Variants in PTPRE observed in about 807,000 individuals in gnomAD.
PTPRE encodes receptor-type tyrosine-protein phosphatase epsilon.
Under a neutral mutation model 102.0 loss-of-function variants are expected in PTPRE, and 51 were observed. The observed-to-expected ratio is 0.50, with a 90% CI of 0.40 to 0.63. The LOEUF is 0.63. PTPRE is among the 30% of genes least tolerant of loss of function. PTPRE has a pLI of 0.00. For missense variants in PTPRE, 752 were observed against 915.1 expected (o/e 0.82, Z 2.30); for synonymous variants, 345 against 348.2 (o/e 0.99, Z 0.10).
intron 1 of PTPRE, among the ~76,000 whole-genome samples, chr10:127,951,347 C>G (rs1163716181): frequency 2.6e-5 from 4 of 152,206 alleles, no homozygotes; most frequent in African/African-American, 9.6e-5. Flanking sequence ...TTTCTCCCAT[C>G]TTTCCCTAAA....
rs147320020 is a variant in PTPRE at position 128,018,137 on chromosome 10, G to A, written c.-7-22738G>A. Among the ~76,000 whole-genome samples the A allele has an allele frequency of 3.0e-3, 459 of 152,256 alleles. 6 individuals carry two copies. The highest frequency in any genetic ancestry group is 0.011 in the African/African-American group (438 of 41,538). ...AGCAACTGAGAGGGGTGCCTGTTCC[G>A]GAGGTGGTAGGAGCTTTGGGGCTGG... is the stretch of plus-strand genomic sequence containing the variant. On this transcript the variant is annotated intron_variant, in intron 2 of 20. Transcript: ENST00000254667.
chr10:127,966,867 A>T (rs72845895), intron 1 of PTPRE, among the ~76,000 whole-genome samples: 2 of 152,204 alleles, frequency 1.3e-5, no homozygotes, highest in Non-Finnish European at 2.9e-5. Flanking sequence ...GGTCATCCAT[A>T]TGACCAACAC....
chr10:127,943,966 A>T (rs940044216), intron 1 of PTPRE, among the ~76,000 whole-genome samples: 6 of 152,164 alleles, frequency 3.9e-5, no homozygotes, highest in Non-Finnish European at 1.5e-5. Context: ...TCCTATGGGC[A>T]TTGGGGCTGG....
At chr10:127,990,453 C>T (rs1033611048) in intron 2 of PTPRE, among the ~76,000 whole-genome samples, 2 of 150,298 alleles carry the variant, frequency 1.3e-5, no homozygotes, top group African/African-American at 4.9e-5. Flanking sequence ...GAAAAGAAAG[C>T]GGAGTGACTT....
chr10:128,031,875 C>T (rs1210568205), intron 2 of PTPRE, among the ~76,000 whole-genome samples: 1 of 152,172 alleles, frequency 6.6e-6, no homozygotes, highest in East Asian at 1.9e-4. Flanking sequence ...GTTCCAACCA[C>T]GCCACCCCTT....
chr10:128,034,598 G>A (rs1381044401), intron 2 of PTPRE, among the ~76,000 whole-genome samples: 2 of 152,184 alleles, frequency 1.3e-5, no homozygotes, highest in Non-Finnish European at 2.9e-5. Flanking sequence ...TTGGGAGGCT[G>A]AGATGGGAGG....
At chr10:128,024,221 G>A (rs887350958) in intron 2 of PTPRE, among the ~76,000 whole-genome samples, 7 of 152,180 alleles carry the variant, frequency 4.6e-5, no homozygotes, top group Non-Finnish European at 1.5e-5. Flanking sequence ...AAGACAAGAA[G>A]GATAATTTTT....
chr10:127,942,205 G>C (rs778115645), intron 1 of PTPRE, among the ~76,000 whole-genome samples: 24 of 152,254 alleles, frequency 1.6e-4, no homozygotes, highest in Middle Eastern at 6.8e-3. Flanking sequence ...CCAGGTAGAT[G>C]GTTTAAGCAC....
intron 1 of PTPRE, among the ~76,000 whole-genome samples, chr10:127,913,644 G>A (rs929474293): frequency 1.4e-4 from 21 of 152,118 alleles, no homozygotes; most frequent in Admixed American, 1.3e-3. Context: ...CTGACTCCTC[G>A]GCTAACATGC....
intron 2 of PTPRE, among the ~76,000 whole-genome samples, chr10:128,036,638 C>T (rs1222889706): frequency 6.6e-6 from 1 of 152,030 alleles, no homozygotes; most frequent in South Asian, 2.1e-4. Context: ...AAGATGGAAA[C>T]CCCGATACCT....
Position 128,071,039 on chromosome 10 carries a change from G to T in PTPRE, c.1387+138G>T, listed in dbSNP as rs904071300. On this transcript the variant is annotated intron_variant, in intron 15 of 20. Transcript: ENST00000254667. ...GGTGTCCTCTGGCCTCAGGCTAAGGGCTCCTGTGTGCTGTACCAAATGTCA... is the reference window on the plus strand; with the variant it reads ...GGTGTCCTCTGGCCTCAGGCTAAGGTCTCCTGTGTGCTGTACCAAATGTCA... 41 of 756,826 alleles carry T rather than the reference G, an allele frequency of 5.4e-5. 1 individual carries two copies. The Middle Eastern group carries it at 1.2e-3, about 21-fold the overall frequency. The allele number at this position is 756,826 out of a possible 1,614,324, so 46.9% of individuals were successfully genotyped here.
intron 2 of PTPRE, among the ~76,000 whole-genome samples, chr10:128,034,912 ATAAG>A (rs1464782786): frequency 2.6e-5 from 4 of 152,256 alleles, no homozygotes; most frequent in African/African-American, 9.6e-5. Context: ...TGTGCTGAGA[ATAAG>A]TATTATTTTA....
intron 1 of PTPRE, among the ~76,000 whole-genome samples, chr10:127,975,645 A>G (rs1344205235): frequency 6.6e-6 from 1 of 152,170 alleles, no homozygotes; most frequent in African/African-American, 2.4e-5. Context: ...GATTTAACAT[A>G]TCTGAGTATT....
At chr10:128,079,320 C>T (rs990277606) in intron 19 of PTPRE, among the ~76,000 whole-genome samples, 29 of 152,138 alleles carry the variant, frequency 1.9e-4, no homozygotes, top group African/African-American at 7.0e-4. Context: ...CTGGTCCTGT[C>T]TCATTTTATA....
chr10:128,036,924 G>A (rs1206085061), intron 2 of PTPRE, among the ~76,000 whole-genome samples: 8 of 152,304 alleles, frequency 5.3e-5, no homozygotes, highest in South Asian at 4.1e-4. Context: ...CTCTCCGGCC[G>A]CAAAGGCTAT....
At chr10:127,942,146 C>T (rs963001269) in intron 1 of PTPRE, among the ~76,000 whole-genome samples, 4 of 152,008 alleles carry the variant, frequency 2.6e-5, no homozygotes, top group Admixed American at 6.5e-5. Flanking sequence ...CTGGAGACCA[C>T]GATGTCAGAG....
intron 1 of PTPRE, among the ~76,000 whole-genome samples, chr10:127,942,110 C>T (rs556333750): frequency 2.0e-5 from 3 of 152,050 alleles, no homozygotes; most frequent in Non-Finnish European, 4.4e-5. Context: ...AAGAGCATTT[C>T]GAGTGTCACT....
intron 1 of PTPRE, among the ~76,000 whole-genome samples, chr10:127,975,700 T>A (rs1851103817): frequency 6.6e-6 from 1 of 152,162 alleles, no homozygotes; most frequent in Admixed American, 6.5e-5. Flanking sequence ...AGGAATTAGC[T>A]CAAGAAAAAC....
In PTPRE at chr10:128,049,356, G is replaced by A. The variant is rs377649380; in HGVS notation, c.284-174G>A. 2.2e-4 allele frequency among the ~76,000 whole-genome samples: 33 copies of A among 152,298 alleles called. 1 individual carries two copies. In the South Asian group the frequency reaches 6.4e-3, roughly 30 times the overall value. ...ATGATGTGGATGCCTCACAGGAGGC[G>A]AGTGTTTGGATACAGCTGCTCGGGA... is the stretch of plus-strand genomic sequence containing the variant. On this transcript the variant is annotated intron_variant, in intron 5 of 20. Coordinates refer to ENST00000254667, the MANE Select transcript of PTPRE (RefSeq NM_006504.6).
Sources: allele counts gnomAD v4.1 joint callset (sites outside exome capture counted in the v4.1 genomes callset), GRCh38; gene constraint gnomAD v4.1.1; transcripts MANE v1.5; gene names NCBI Gene and HGNC (gene_info 2026-07-23, HGNC 2026-07-21).